NELL1: variants seen among roughly 807,000 people sequenced by gnomAD.
The protein encoded by NELL1 is neural EGFL like 1.
Under a neutral mutation model 107.4 loss-of-function variants are expected in NELL1, and 76 were observed. The observed-to-expected ratio is 0.71, with a 90% CI of 0.59 to 0.86. The LOEUF (loss-of-function observed/expected upper bound fraction) is 0.86. Among genes scored for constraint, NELL1 ranks in the 40% least tolerant of loss-of-function variants. NELL1 has a pLI of 0.00. For synonymous variants in NELL1, 353 were observed against 341.2 expected (o/e 1.03, Z -0.38); for missense variants, 1,024 against 1,005.5 (o/e 1.02, Z -0.25).
chr11:21,541,689 G>A (rs1053233300), intron 16 of NELL1, among the ~76,000 whole-genome samples: 6 of 152,024 alleles, frequency 3.9e-5, no homozygotes, highest in Non-Finnish European at 5.9e-5. Context: ...GTCCGAAATC[G>A]GCCTCTTTCT....
At chr11:21,433,989 C>A (rs1462439240) in intron 15 of NELL1, among the ~76,000 whole-genome samples, 1 of 152,090 alleles carries the variant, frequency 6.6e-6, no homozygotes, top group African/African-American at 2.4e-5. Flanking sequence ...ATTTGTATGT[C>A]TTATTTTGAA....
Position 21,233,145 on chromosome 11 carries a change from T to G in NELL1, c.1549+3691T>G, listed in dbSNP as rs183451025. 2.0e-5 allele frequency among the ~76,000 whole-genome samples: 3 copies of G among 152,358 alleles called. No individual in the cohort carries two copies. In the East Asian group the frequency reaches 5.8e-4, roughly 29 times the overall value. ...TCAGATGGGTTTCCGTGGTGGTCGATGCCCATGTAAGGCGTCTTTTCTTCT... is the reference window on the plus strand; with the variant it reads ...TCAGATGGGTTTCCGTGGTGGTCGAGGCCCATGTAAGGCGTCTTTTCTTCT... On this transcript the variant is annotated intron_variant, in intron 14 of 19. Coordinates refer to ENST00000357134, the MANE Select transcript of NELL1 (RefSeq NM_006157.5).
intron 3 of NELL1, among the ~76,000 whole-genome samples, chr11:20,814,750 T>C (rs1312676590): frequency 1.3e-5 from 2 of 152,244 alleles, no homozygotes; most frequent in East Asian, 3.8e-4. Context: ...TGACTAGTGC[T>C]GTAATAAACT....
intron 12 of NELL1, among the ~76,000 whole-genome samples, chr11:21,091,153 A>G (rs1195964839): frequency 6.6e-6 from 1 of 152,220 alleles, no homozygotes; most frequent in Non-Finnish European, 1.5e-5. Flanking sequence ...TATCTCCTCA[A>G]TGATAAATAT....
In NELL1 at chr11:21,292,441, A is replaced by G. The variant is rs557570764; in HGVS notation, c.1549+62987A>G. Among the ~76,000 whole-genome samples the G allele has an allele frequency of 7.9e-5, 12 of 152,320 alleles. No individual in the cohort carries two copies. The East Asian group carries it at 2.3e-3, about 29-fold the overall frequency. ...AAGAAATAAGAGAGGACACAAACAA[A>G]TGCAAAAACATTCCATGCTCATGGA... is the stretch of plus-strand genomic sequence containing the variant. On this transcript the variant is annotated intron_variant, in intron 14 of 19. Coordinates refer to ENST00000357134, the MANE Select transcript of NELL1 (RefSeq NM_006157.5).
intron 15 of NELL1, among the ~76,000 whole-genome samples, chr11:21,371,189 T>C (rs1310951111): frequency 6.6e-6 from 1 of 152,112 alleles, no homozygotes; most frequent in African/African-American, 2.4e-5. Flanking sequence ...GTATTTTCTC[T>C]GCTATAGCTC....
chr11:21,394,278 C>G (rs1249060638), intron 15 of NELL1, among the ~76,000 whole-genome samples: 1 of 151,378 alleles, frequency 6.6e-6, no homozygotes, highest in Non-Finnish European at 1.5e-5. Context: ...GGATTCAAAC[C>G]CAGGGAGCCT....
chr11:21,414,285 T>TA (rs1472579452), intron 15 of NELL1, among the ~76,000 whole-genome samples: 1 of 152,094 alleles, frequency 6.6e-6, no homozygotes, highest in Non-Finnish European at 1.5e-5. Flanking sequence ...TGATGGTACT[T>TA]ATAGCAACAT....
intron 14 of NELL1, among the ~76,000 whole-genome samples, chr11:21,325,798 A>G (rs140616209): frequency 2.0e-5 from 3 of 152,138 alleles, no homozygotes; most frequent in African/African-American, 7.2e-5. Flanking sequence ...CTGTCCATCA[A>G]TTCTCAGCCA....
intron 12 of NELL1, among the ~76,000 whole-genome samples, chr11:21,065,556 CTT>C (rs1490933108): frequency 1.3e-5 from 2 of 152,118 alleles, no homozygotes; most frequent in African/African-American, 4.8e-5. Flanking sequence ...AATGGATTCT[CTT>C]TTTATTTTCC....
intron 14 of NELL1, among the ~76,000 whole-genome samples, chr11:21,232,150 A>AAAAAAAT (rs1858071499): frequency 5.8e-5 from 1 of 17,286 alleles, no homozygotes; most frequent in Non-Finnish European, 1.5e-4. Context: ...AAAAAAATAA[A>AAAAAAAT]AAAAAAAAAA....
In NELL1 at chr11:20,960,158, T is replaced by G. The variant is rs528597194; in HGVS notation, c.1172-274T>G. Among the ~76,000 whole-genome samples, 6 of 152,186 alleles carry G rather than the reference T, an allele frequency of 3.9e-5. No homozygotes were observed. In the East Asian group the frequency reaches 1.2e-3, roughly 29 times the overall value. ...AAAGAGTAGTCATGTAAGAATGTAGTGAGAAGAGGATGCAGGATCAGCATG... is the reference window on the plus strand; with the variant it reads ...AAAGAGTAGTCATGTAAGAATGTAGGGAGAAGAGGATGCAGGATCAGCATG... On this transcript the variant is annotated intron_variant, in intron 11 of 19. Transcript: ENST00000357134.
intron 14 of NELL1, among the ~76,000 whole-genome samples, chr11:21,319,633 C>T (rs1409050415): frequency 2.0e-5 from 3 of 151,500 alleles, no homozygotes; most frequent in African/African-American, 7.3e-5. Flanking sequence ...TGTGTCACCG[C>T]GCCCAGCCGG....
At chr11:21,085,923 A>G (rs565475101) in intron 12 of NELL1, among the ~76,000 whole-genome samples, 2 of 152,356 alleles carry the variant, frequency 1.3e-5, no homozygotes, top group South Asian at 4.1e-4. Context: ...CTGTGGGAAG[A>G]GTGAACTTTG....
chr11:21,273,429 G>A, intron 14 of NELL1, among the ~76,000 whole-genome samples: 1 of 152,208 alleles, frequency 6.6e-6, no homozygotes. Context: ...ACGTCTGATT[G>A]GTGTATCTGA....
intron 14 of NELL1, among the ~76,000 whole-genome samples, chr11:21,327,872 C>A (rs1337650779): frequency 1.3e-5 from 2 of 152,110 alleles, no homozygotes; most frequent in Non-Finnish European, 2.9e-5. Flanking sequence ...CATTTTGCAT[C>A]TGCCCTGGAG....
chr11:20,901,220 G>A (rs982610491), intron 5 of NELL1, among the ~76,000 whole-genome samples: 6 of 152,048 alleles, frequency 3.9e-5, no homozygotes, highest in African/African-American at 1.2e-4. Context: ...ATTAGAATTA[G>A]CAAGAGAGTT....
chr11:21,172,376 C>G (rs1791817), intron 13 of NELL1, among the ~76,000 whole-genome samples: 116,426 of 151,568 alleles, frequency 0.77, 45,173 homozygotes, highest in African/African-American at 0.86. Flanking sequence ...TGGGTTTAAA[C>G]CCACATTTAA....
chr11:21,543,411 C>T (rs1242127485), intron 16 of NELL1, among the ~76,000 whole-genome samples: 1 of 151,956 alleles, frequency 6.6e-6, no homozygotes, highest in African/African-American at 2.4e-5. Context: ...ACAAAATTGC[C>T]ACATGTCATT....
Sources: gnomAD v4.1 joint callset for allele counts (sites outside exome capture counted in the v4.1 genomes callset) on GRCh38, gnomAD v4.1.1 for gene constraint, MANE v1.5 for transcripts, NCBI Gene and HGNC (gene_info 2026-07-23, HGNC 2026-07-21) for gene names.